METAP1D: variants seen among roughly 807,000 people sequenced by gnomAD.
METAP1D encodes methionyl aminopeptidase type 1D, mitochondrial, also known as methionine aminopeptidase 1D, mitochondrial.
In METAP1D, 31 loss-of-function variants were observed where a neutral mutation model predicts 40.5. The ratio of observed to expected loss-of-function variants is 0.77; its 90% CI spans 0.58 to 1.03. METAP1D has a LOEUF of 1.03. Among genes scored for constraint, METAP1D ranks in the 50% least tolerant of loss-of-function variants. METAP1D has a pLI of 0.00. For missense variants in METAP1D, 411 were observed against 420.7 expected (o/e 0.98, Z 0.20); for synonymous variants, 151 against 146.4 (o/e 1.03, Z -0.22).
At chr2:172,036,603 G>A (rs1252998267) in intron 1 of METAP1D, among the ~76,000 whole-genome samples, 1 of 151,728 alleles carries the variant, frequency 6.6e-6, no homozygotes, top group African/African-American at 2.4e-5. Flanking sequence ...CTGACCTCGT[G>A]ATCCGCCTGT....
intron 6 of METAP1D, among the ~76,000 whole-genome samples, 180 bp downstream of exon 6, chr2:172,071,250 TA>T (rs1690416525): frequency 6.6e-6 from 1 of 152,076 alleles, no homozygotes; most frequent in African/African-American, 2.4e-5. Flanking sequence ...AAAGATTTTA[TA>T]AAAATGAATT....
At chr2:172,011,758 C>G (rs920894587) in intron 1 of METAP1D, among the ~76,000 whole-genome samples, 2 of 152,158 alleles carry the variant, frequency 1.3e-5, no homozygotes, top group Non-Finnish European at 2.9e-5. Flanking sequence ...ATGGATATAT[C>G]ACATTTTGTT....
intron 1 of METAP1D, among the ~76,000 whole-genome samples, chr2:172,016,955 G>A (rs1403446264): frequency 2.6e-5 from 4 of 152,002 alleles, no homozygotes; most frequent in Non-Finnish European, 5.9e-5. Context: ...TCATCTCATT[G>A]TCACTTTAAG....
chr2:172,004,024 C>G (rs999229565), intron 1 of METAP1D, among the ~76,000 whole-genome samples: 2 of 152,170 alleles, frequency 1.3e-5, no homozygotes, highest in Admixed American at 1.3e-4. Flanking sequence ...CCTGCCTCAG[C>G]CTCCCACAGT....
chr2:172,011,239 A>G (rs1425708374), intron 1 of METAP1D, among the ~76,000 whole-genome samples: 1 of 150,942 alleles, frequency 6.6e-6, no homozygotes, highest in Non-Finnish European at 1.5e-5. Context: ...TCACTCCCCA[A>G]TCTGCCCATC....
chr2:172,078,831 T>C (rs1690620203), intron 7 of METAP1D, among the ~76,000 whole-genome samples: 1 of 152,056 alleles, frequency 6.6e-6, no homozygotes, highest in Non-Finnish European at 1.5e-5. Context: ...TTTGCATCCT[T>C]CCCCAGGACT....
chr2:172,015,574 A>T (rs1031573801), intron 1 of METAP1D, among the ~76,000 whole-genome samples: 1 of 152,226 alleles, frequency 6.6e-6, no homozygotes, highest in Non-Finnish European at 1.5e-5. Flanking sequence ...ATAAGTTGAG[A>T]TGGGCTGTTG....
chr2:172,068,878 C>G (rs1297196523), intron 5 of METAP1D, among the ~76,000 whole-genome samples: 1 of 151,750 alleles, frequency 6.6e-6, no homozygotes, highest in Non-Finnish European at 1.5e-5. Flanking sequence ...TCCTCCCTCC[C>G]TTCCTCCCTT....
At chr2:172,005,051 T>TTAGAA (rs1401506767) in intron 1 of METAP1D, among the ~76,000 whole-genome samples, 1 of 151,954 alleles carries the variant, frequency 6.6e-6, no homozygotes, top group African/African-American at 2.4e-5. Context: ...ACCTCCTGAG[T>TTAGAA]GGCTAGGCGC....
chr2:172,055,048 C>T (rs1032470270), intron 1 of METAP1D, among the ~76,000 whole-genome samples: 2 of 152,204 alleles, frequency 1.3e-5, no homozygotes, highest in African/African-American at 2.4e-5. Flanking sequence ...CTGTTCTGGG[C>T]TCTCCTACTC....
Position 172,079,197 on chromosome 2 carries a change from A to T in METAP1D, c.803-18A>T, listed in dbSNP as rs778754995. 1 of 1,611,552 alleles carries T rather than the reference A, an allele frequency of 6.2e-7. No individual in the cohort carries two copies. The highest frequency in any genetic ancestry group is 1.7e-5 in the Admixed American group (1 of 59,878). ...TCCCCATTTCCTATTCTCACCCCCC[A>T]TGTTTTTTGTTTTGCAGCAAACGAC... On this transcript the variant is annotated intron_variant, in intron 7 of 9. Transcript: ENST00000315796.
intron 6 of METAP1D, 125 bp downstream of exon 6, chr2:172,071,195 G>T (rs1690415380): frequency 9.4e-6 from 7 of 748,418 alleles, no homozygotes; most frequent in Non-Finnish European, 1.3e-5. Context: ...ATATCAGTAT[G>T]TGAACTGCCA....
At chr2:172,072,808 T>A (rs1360981613) in intron 6 of METAP1D, among the ~76,000 whole-genome samples, 1 of 152,200 alleles carries the variant, frequency 6.6e-6, no homozygotes, top group Non-Finnish European at 1.5e-5. Flanking sequence ...TTGAGCCTCT[T>A]TGTAGCAAGT....
At chr2:172,056,150 G>A in intron 1 of METAP1D, among the ~76,000 whole-genome samples, 1 of 152,080 alleles carries the variant, frequency 6.6e-6, no homozygotes, top group East Asian at 1.9e-4. Flanking sequence ...TTGATCAGAG[G>A]CTACATCTTC....
intron 1 of METAP1D, among the ~76,000 whole-genome samples, chr2:172,056,507 C>T (rs1476994064): frequency 6.6e-6 from 1 of 152,190 alleles, no homozygotes; most frequent in Non-Finnish European, 1.5e-5. Context: ...CTGCCTCCCA[C>T]TACAAGGATG....
chr2:172,073,429 T>G (rs1559021717), intron 6 of METAP1D, among the ~76,000 whole-genome samples: 2 of 152,050 alleles, frequency 1.3e-5, no homozygotes, highest in African/African-American at 2.4e-5. Flanking sequence ...GAAAGTGACA[T>G]TGGATTTTAG....
At chr2:172,034,405 T>TTGTGTG (rs377629727) in intron 1 of METAP1D, among the ~76,000 whole-genome samples, 30 of 142,238 alleles carry the variant, frequency 2.1e-4, no homozygotes, top group South Asian at 2.3e-4. Flanking sequence ...GTCTCAGTTT[T>TTGTGTG]TGTGTGTGTG....
chr2:172,063,889 T>G (rs1482393493), intron 3 of METAP1D, 29 bp downstream of exon 3: 2 of 1,576,672 alleles, frequency 1.3e-6, no homozygotes, highest in South Asian at 2.4e-5. Flanking sequence ...TCAGAACGAC[T>G]TACATAAGGG....
rs555273487 is a variant in METAP1D at position 172,065,855 on chromosome 2, G to A, written c.497+103G>A. 653 of 1,228,422 alleles carry A rather than the reference G, an allele frequency of 5.3e-4. 10 individuals are homozygous for A. In the South Asian group the frequency reaches 8.3e-3, roughly 16 times the overall value. The allele number at this position is 1,228,422 out of a possible 1,614,324, so 76.1% of individuals were successfully genotyped here. ...CACTATCATTCAATTGAAACCCACCGGTAAACTTCTGAAATTGATTATGAT... is the reference window on the plus strand; with the variant it reads ...CACTATCATTCAATTGAAACCCACCAGTAAACTTCTGAAATTGATTATGAT... On this transcript the variant is annotated intron_variant, in intron 4 of 9. Coordinates refer to ENST00000315796, the MANE Select transcript of METAP1D (RefSeq NM_199227.3).
Sources: allele counts gnomAD v4.1 joint callset (sites outside exome capture counted in the v4.1 genomes callset), GRCh38; gene constraint gnomAD v4.1.1; transcripts MANE v1.5; gene names NCBI Gene and HGNC (gene_info 2026-07-23, HGNC 2026-07-21).